Variants in SLC41A3 observed in about 807,000 individuals in gnomAD.
SLC41A3 encodes the protein solute carrier family 41 member 3.
In SLC41A3, 44 loss-of-function variants were observed where a neutral mutation model predicts 45.4. That is an observed-to-expected ratio of 0.97 (90% CI 0.76 to 1.25). The LOEUF is 1.25. SLC41A3 is among the 50% of genes most tolerant of loss of function. The probability of loss-of-function intolerance (pLI) is 0.00; values close to 1 mark genes in which losing one functional copy is unlikely to be tolerated. For missense variants in SLC41A3, 550 were observed against 600.6 expected (o/e 0.92, Z 0.88); for synonymous variants, 256 against 252.4 (o/e 1.01, Z -0.13).
intron 3 of SLC41A3, among the ~76,000 whole-genome samples, chr3:126,048,806 CT>C (rs1228741665): frequency 6.6e-6 from 1 of 152,096 alleles, no homozygotes; most frequent in African/African-American, 2.4e-5. Context: ...TGGAGATGTT[CT>C]GTGTCTCAAC....
intron 3 of SLC41A3, among the ~76,000 whole-genome samples, chr3:126,044,540 T>C (rs1446008209): frequency 2.0e-5 from 3 of 152,116 alleles, no homozygotes; most frequent in African/African-American, 7.2e-5. Flanking sequence ...ACATGAAACA[T>C]TCTCCAAGAC....
chr3:126,008,911 G>T, intron 9 of SLC41A3, 31 bp from the exon 10 acceptor site: 1 of 1,608,852 alleles, frequency 6.2e-7, no homozygotes, highest in South Asian at 1.1e-5. Context: ...AAGGTCATGT[G>T]ACCTGAAGCG....
intron 6 of SLC41A3, among the ~76,000 whole-genome samples, chr3:126,018,653 G>T (rs572376865): frequency 2.6e-5 from 4 of 152,238 alleles, no homozygotes; most frequent in Non-Finnish European, 5.9e-5. Context: ...CAGCTTTGCT[G>T]AGGCTCTTCC....
chr3:126,030,575 G>A (rs1941724506), intron 4 of SLC41A3, among the ~76,000 whole-genome samples: 1 of 152,184 alleles, frequency 6.6e-6, no homozygotes, highest in African/African-American at 2.4e-5. Flanking sequence ...TGAGCACAGA[G>A]CCTGGCACTC....
Position 126,061,517 on chromosome 3 carries a change from C to T in SLC41A3, c.273+6430G>A, listed in dbSNP as rs116577060. The stretch of plus-strand genomic sequence containing the variant: ...TTGACCCCAGAACCTGCTGTGTGAG[C>T]GGCATGAGGGCAGGGGTGTCTGCCT... On this transcript the variant is annotated intron_variant, in intron 2 of 10. Transcript: ENST00000360370. 4.6e-5 allele frequency among the ~76,000 whole-genome samples: 7 copies of T among 152,302 alleles called. No homozygotes were observed. The South Asian group carries it at 6.2e-4, about 14-fold the overall frequency.
intron 1 of SLC41A3, among the ~76,000 whole-genome samples, chr3:126,076,460 T>C (rs1370570080): frequency 6.6e-6 from 1 of 152,266 alleles, no homozygotes; most frequent in African/African-American, 2.4e-5. Flanking sequence ...ATAATACTCC[T>C]ATGACTATTC....
At chr3:126,096,702 T>G (rs1156436599) in intron 1 of SLC41A3, among the ~76,000 whole-genome samples, 1 of 152,288 alleles carries the variant, frequency 6.6e-6, no homozygotes, top group Non-Finnish European at 1.5e-5. Flanking sequence ...TAATCTAATA[T>G]CTATAGAAAC....
intron 1 of SLC41A3, among the ~76,000 whole-genome samples, chr3:126,092,890 C>G (rs1432314770): frequency 6.6e-6 from 1 of 152,178 alleles, no homozygotes; most frequent in Non-Finnish European, 1.5e-5. Flanking sequence ...AAAGCTAAAG[C>G]AGCAAAGGAG....
chr3:126,083,053 C>A (rs1312143782), intron 1 of SLC41A3, among the ~76,000 whole-genome samples: 2 of 152,226 alleles, frequency 1.3e-5, no homozygotes, highest in African/African-American at 4.8e-5. Flanking sequence ...TGGGGTAATA[C>A]TACCTACTGT....
At chr3:126,056,112 G>A (rs1250631570) in intron 2 of SLC41A3, among the ~76,000 whole-genome samples, 1 of 152,194 alleles carries the variant, frequency 6.6e-6, no homozygotes, top group Non-Finnish European at 1.5e-5. Context: ...GGCTGAGGAG[G>A]CACATGCAGG....
intron 3 of SLC41A3, among the ~76,000 whole-genome samples, chr3:126,045,299 T>C (rs983142854): frequency 2.1e-5 from 3 of 142,690 alleles, no homozygotes; most frequent in African/African-American, 7.8e-5. Context: ...ATAAATAAAA[T>C]AGAGAACAGA....
chr3:126,007,715 A>AGCT (rs1939245285), intron 10 of SLC41A3, among the ~76,000 whole-genome samples: 1 of 152,176 alleles, frequency 6.6e-6, no homozygotes, highest in African/African-American at 2.4e-5. Context: ...TGGAGTCATA[A>AGCT]GCTGCTGCTG....
At chr3:126,083,591 T>C (rs1008594648) in intron 1 of SLC41A3, among the ~76,000 whole-genome samples, 1 of 151,294 alleles carries the variant, frequency 6.6e-6, no homozygotes, top group Non-Finnish European at 1.5e-5. Context: ...TGGCGGGAGG[T>C]CTGGCTGAGG....
chr3:126,062,543 C>T (rs973511396), intron 2 of SLC41A3, among the ~76,000 whole-genome samples: 1 of 152,224 alleles, frequency 6.6e-6, no homozygotes, highest in Non-Finnish European at 1.5e-5. Context: ...TTTTGACACA[C>T]TCATTAAGGG....
At chr3:126,060,596 T>TA (rs1372372106) in intron 2 of SLC41A3, among the ~76,000 whole-genome samples, 1 of 152,156 alleles carries the variant, frequency 6.6e-6, no homozygotes, top group Non-Finnish European at 1.5e-5. Flanking sequence ...CTTTTATAAA[T>TA]AAAAAACTAT....
At chr3:126,086,421 T>G (rs1387822811), upstream of SLC41A3, among the ~76,000 whole-genome samples, 20 of 145,874 alleles carry the variant, frequency 1.4e-4, no homozygotes, top group Non-Finnish European at 2.4e-4. Context: ...TTTTTTTTTT[T>G]TTTTTTTTTT....
chr3:126,051,156 G>C, intron 2 of SLC41A3, 106 bp from the exon 3 acceptor site: 1 of 1,254,842 alleles, frequency 8.0e-7, no homozygotes, highest in Non-Finnish European at 1.1e-6. Context: ...CCTATAAAAT[G>C]AACAAATAGG....
chr3:126,056,281 G>A lies in SLC41A3; in HGVS notation c.274-5231C>T, dbSNP rs1943652822. 6 of 1,548,552 alleles carry A rather than the reference G, an allele frequency of 3.9e-6. No homozygotes were observed. The South Asian group carries it at 5.0e-5, about 13-fold the overall frequency. On this transcript the variant is annotated intron_variant, in intron 2 of 10. Coordinates refer to ENST00000360370, the MANE Select transcript of SLC41A3 (RefSeq NM_017836.4). ...ACTGTAGAGGCCCCTCATGTCTCCA[G>A]CCTGCCCTGTCTGTGGTGCCAGGAG...
chr3:126,055,088 A>G (rs1212133303), intron 2 of SLC41A3, among the ~76,000 whole-genome samples: 1 of 152,128 alleles, frequency 6.6e-6, no homozygotes, highest in African/African-American at 2.4e-5. Context: ...CCCCTCTCCA[A>G]CTTGGACCCA....
Sources: allele counts gnomAD v4.1 joint callset (sites outside exome capture counted in the v4.1 genomes callset), GRCh38; gene constraint gnomAD v4.1.1; transcripts MANE v1.5; gene names NCBI Gene and HGNC (gene_info 2026-07-23, HGNC 2026-07-21).